Variants in PPP1R12B observed in about 807,000 individuals in gnomAD.
The protein encoded by PPP1R12B is protein phosphatase 1 regulatory subunit 12B.
PPP1R12B carries 76 observed loss-of-function variants against 126.1 expected under a neutral mutation model. The ratio of observed to expected loss-of-function variants is 0.60; its 90% CI spans 0.50 to 0.73. The LOEUF is 0.73. Ranked by LOEUF, PPP1R12B falls within the 30% of genes least tolerant of loss-of-function variation. PPP1R12B has a pLI of 0.00. For synonymous variants in PPP1R12B, 356 were observed against 434.7 expected (o/e 0.82, Z 2.25); for missense variants, 1,052 against 1,205.1 (o/e 0.87, Z 1.88).
intron 15 of PPP1R12B, among the ~76,000 whole-genome samples, chr1:202,494,440 T>C (rs1679266840): frequency 1.3e-5 from 2 of 152,162 alleles, no homozygotes. Context: ...CATTTTATTG[T>C]ATATGTCTTT....
chr1:202,443,031 C>A, intron 12 of PPP1R12B: 1 of 879,638 alleles, frequency 1.1e-6, no homozygotes, highest in Non-Finnish European at 1.4e-6. Context: ...CATACTGAAG[C>A]CTGTTAATTT....
chr1:202,485,455 A>G (rs1284849227), intron 13 of PPP1R12B, among the ~76,000 whole-genome samples: 9 of 152,054 alleles, frequency 5.9e-5, no homozygotes, highest in Admixed American at 2.6e-4. Context: ...TACTCTAGGC[A>G]AAGTTAACTG....
chr1:202,558,617 A>G (rs1687200253), intron 18 of PPP1R12B: 3 of 385,452 alleles, frequency 7.8e-6, no homozygotes, highest in East Asian at 4.3e-5. Flanking sequence ...GCTAACTTCT[A>G]GTTTAAAAAG....
rs375257278 is a variant in PPP1R12B at position 202,572,277 on chromosome 1, C to T, written c.2862+3080C>T. Among the ~76,000 whole-genome samples, 4 of 152,326 alleles carry T rather than the reference C, an allele frequency of 2.6e-5. No homozygotes were observed. The East Asian group carries it at 7.7e-4, about 29-fold the overall frequency. Reference sequence around the variant, plus strand: ...TCATTTTGTACAGATGCTCAAACCTCCTTGGAGCAATCAGTAGGGAACAGT... The same window carrying T: ...TCATTTTGTACAGATGCTCAAACCTTCTTGGAGCAATCAGTAGGGAACAGT... On this transcript the variant is annotated intron_variant, in intron 23 of 23. Transcript: ENST00000608999.
At chr1:202,409,956 A>C (rs1254573481) in intron 1 of PPP1R12B, among the ~76,000 whole-genome samples, 1 of 152,182 alleles carries the variant, frequency 6.6e-6, no homozygotes. Flanking sequence ...ATACATGTCC[A>C]TTCAAATCTT....
At chr1:202,372,687 C>T (rs1571656035) in intron 1 of PPP1R12B, among the ~76,000 whole-genome samples, 1 of 151,582 alleles carries the variant, frequency 6.6e-6, no homozygotes, top group Non-Finnish European at 1.5e-5. Context: ...GTAGGAGGAC[C>T]ACTTGGGCCT....
chr1:202,452,776 C>G (rs1243750562), intron 13 of PPP1R12B, among the ~76,000 whole-genome samples: 1 of 151,058 alleles, frequency 6.6e-6, no homozygotes, highest in Non-Finnish European at 1.5e-5. Context: ...GATTATCTAT[C>G]TGCAAACTTC....
intron 18 of PPP1R12B, among the ~76,000 whole-genome samples, chr1:202,510,309 A>G (rs1681297757): frequency 6.6e-6 from 1 of 152,210 alleles, no homozygotes; most frequent in Admixed American, 6.5e-5. Context: ...GTCAGTAGCA[A>G]TCACTGGGGT....
In PPP1R12B at chr1:202,564,478, GAAAAC is replaced by G; in HGVS notation, c.2694_2698del (p.Lys899SerfsTer15). On this transcript the variant is annotated frameshift_variant, in exon 21 of 24. Coordinates refer to ENST00000608999, the MANE Select transcript of PPP1R12B (RefSeq NM_002481.4). LOFTEE classifies it high-confidence loss of function. The stretch of plus-strand genomic sequence containing the variant: ...GTGCTCTGACTGAAAACCAAAAACT[GAAAAC>G]AAAACTTCAGGAAGCCCAGCTAGAG... The G allele has an allele frequency of 6.2e-7, 1 of 1,612,536 alleles. No individual in the cohort carries two copies.
At chr1:202,485,833 A>G (rs969599203) in intron 13 of PPP1R12B, among the ~76,000 whole-genome samples, 5 of 152,148 alleles carry the variant, frequency 3.3e-5, no homozygotes, top group Non-Finnish European at 4.4e-5. Context: ...CAATTTGGCC[A>G]TCCTGCTGAC....
intron 1 of PPP1R12B, among the ~76,000 whole-genome samples, chr1:202,414,105 A>AGGC (rs1667757277): frequency 6.6e-6 from 1 of 152,148 alleles, no homozygotes; most frequent in Non-Finnish European, 1.5e-5. Context: ...TATTTTTAGT[A>AGGC]GAGATGAGGT....
intron 18 of PPP1R12B, among the ~76,000 whole-genome samples, chr1:202,523,139 C>T (rs1682950226): frequency 1.3e-5 from 2 of 152,172 alleles, no homozygotes; most frequent in South Asian, 4.1e-4. Context: ...TCAACAAATA[C>T]TTATTTGTCC....
chr1:202,476,901 C>T (rs367980967), intron 13 of PPP1R12B, among the ~76,000 whole-genome samples: 10 of 152,014 alleles, frequency 6.6e-5, no homozygotes, highest in African/African-American at 1.2e-4. Flanking sequence ...CTAGAGAAAG[C>T]AGCGTTGTTC....
intron 18 of PPP1R12B, among the ~76,000 whole-genome samples, chr1:202,505,561 G>A (rs1680713368): frequency 6.6e-6 from 1 of 152,038 alleles, no homozygotes; most frequent in Admixed American, 6.6e-5. Context: ...TCTCCTTTTA[G>A]GTAAAATCCT....
intron 18 of PPP1R12B, among the ~76,000 whole-genome samples, chr1:202,546,118 C>T (rs900229096): frequency 2.0e-5 from 3 of 152,126 alleles, no homozygotes; most frequent in Admixed American, 6.6e-5. Flanking sequence ...CCTTTGATTG[C>T]AGTATTCCGG....
At chr1:202,424,137 T>G (rs1264719165) in intron 3 of PPP1R12B, among the ~76,000 whole-genome samples, 1 of 152,208 alleles carries the variant, frequency 6.6e-6, no homozygotes, top group Admixed American at 6.5e-5. Context: ...TTTTTCTGTT[T>G]TGATTGCTGA....
intron 18 of PPP1R12B, among the ~76,000 whole-genome samples, chr1:202,507,771 G>A (rs566453230): frequency 6.6e-6 from 1 of 152,238 alleles, no homozygotes; most frequent in Admixed American, 6.5e-5. Context: ...GACAGCCCCA[G>A]GAATAATTGT....
chr1:202,457,236 T>C (rs1256179485), intron 13 of PPP1R12B, among the ~76,000 whole-genome samples: 1 of 152,140 alleles, frequency 6.6e-6, no homozygotes, highest in African/African-American at 2.4e-5. Flanking sequence ...ACAGAGACAT[T>C]AAGGATACGA....
In PPP1R12B at chr1:202,585,703, T is replaced by C. The variant is rs888643281; in HGVS notation, c.*5143T>C. The C allele has an allele frequency of 2.0e-5, 3 of 152,222 alleles. No homozygotes were observed. Among genetic ancestry groups the C allele is most frequent in the Non-Finnish European group, 4.4e-5 (3 of 68,028 alleles). The allele number at this position is 152,222 out of a possible 1,614,324, so 9.4% of individuals were successfully genotyped here. ...CATCAAGGTTGACTTCTCATCCTTT[T>C]TGGGAAGTGAATTTAATATTGAGGG... On this transcript the variant is annotated 3_prime_UTR_variant, in exon 24 of 24. Transcript: ENST00000608999.
Sources: gnomAD v4.1 joint callset for allele counts (sites outside exome capture counted in the v4.1 genomes callset) on GRCh38, gnomAD v4.1.1 for gene constraint, MANE v1.5 for transcripts, NCBI Gene and HGNC (gene_info 2026-07-23, HGNC 2026-07-21) for gene names.